GATA4: variants seen among roughly 807,000 people sequenced by gnomAD.
GATA4 encodes the protein transcription factor GATA-4.
GATA4 carries 7 observed loss-of-function variants against 37.9 expected under a neutral mutation model. That is an observed-to-expected ratio of 0.18 (90% CI 0.11 to 0.35). GATA4 has a LOEUF of 0.35. Among genes scored for constraint, GATA4 ranks in the 10% least tolerant of loss-of-function variants. The pLI, the probability that GATA4 is intolerant of heterozygous loss-of-function variation, is 1.00. For missense variants in GATA4, 647 were observed against 653.0 expected, an observed-to-expected ratio of 0.99 and a Z score of 0.10; for synonymous variants, 372 against 292.6, an observed-to-expected ratio of 1.27 and a Z score of -2.77.
rs1799981918 is a variant in GATA4 at position 11,708,234 on chromosome 8, C to T, written c.-79C>T. On this transcript the variant is annotated 5_prime_UTR_variant, in exon 2 of 7. Transcript: ENST00000532059. The surrounding 1 kb of genome is among the most constrained non-coding windows in gnomAD (Gnocchi z 6.7). ...CCTCCCACGCATATTATCGTTGTTG[C>T]CGTCGTTTTCTCTCCCCGCGTGGCT... The T allele has an allele frequency of 3.4e-6, 5 of 1,478,224 alleles. No individual in the cohort carries two copies. Among genetic ancestry groups the T allele is most frequent in the Middle Eastern group, 1.9e-4 (1 of 5,262 alleles). The allele number at this position is 1,478,224 out of a possible 1,614,324, so 91.6% of individuals were successfully genotyped here.
rs1358838991 is a variant in GATA4, at chr8:11,680,671, G to C, written c.-274+3608G>C. The C allele has an allele frequency of 1.0e-5, 10 of 985,130 alleles. No homozygotes were observed. The African/African-American group carries it at 1.2e-4, about 12-fold the overall frequency. The allele number at this position is 985,130 out of a possible 1,614,324, so 61.0% of individuals were successfully genotyped here. On this transcript the variant is annotated intron_variant, in intron 1 of 6. Coordinates refer to the GATA4 transcript ENST00000528712. ...GAACGTGTCTCGGGTCGCCCTTTGC[G>C]TCAGAGACCCCCCCCTTGGGGAGAC...
At chr8:11,728,847 C>T (rs943219304) in intron 2 of GATA4, among the ~76,000 whole-genome samples, 2 of 152,226 alleles carry the variant, frequency 1.3e-5, no homozygotes, top group African/African-American at 4.8e-5. Context: ...CCATATCCAA[C>T]TTACTGTCTA....
At chr8:11,736,932 T>C (rs142845965) in intron 2 of GATA4, among the ~76,000 whole-genome samples, 3,105 of 152,334 alleles carry the variant, frequency 0.02, 44 homozygotes, top group Middle Eastern at 0.031. Context: ...CATTGTCTCC[T>C]GGCCCTGGTA....
At chr8:11,679,497 T>A (rs973394997) in intron 1 of GATA4, among the ~76,000 whole-genome samples, 1 of 151,586 alleles carries the variant, frequency 6.6e-6, no homozygotes, top group African/African-American at 2.4e-5. Context: ...GAGAGGAGAG[T>A]GGAGCCCTCT....
intron 2 of GATA4, among the ~76,000 whole-genome samples, chr8:11,743,583 C>G (rs1320974526): frequency 6.6e-6 from 1 of 152,252 alleles, no homozygotes; most frequent in Non-Finnish European, 1.5e-5. Flanking sequence ...TGACCCTGGC[C>G]TCTGATTCCT....
chr8:11,696,119 C>T (rs1409242730), intron 1 of GATA4, among the ~76,000 whole-genome samples: 1 of 152,086 alleles, frequency 6.6e-6, no homozygotes, highest in Non-Finnish European at 1.5e-5. Flanking sequence ...TTTTCAAAGC[C>T]AGATTTATTG....
intron 2 of GATA4, among the ~76,000 whole-genome samples, chr8:11,732,286 G>C (rs528658056): frequency 6.6e-6 from 1 of 152,196 alleles, no homozygotes; most frequent in Non-Finnish European, 1.5e-5. Context: ...TTGTAAAAAG[G>C]CAGATGGAAC....
chr8:11,747,387 G>C (rs900950825), intron 2 of GATA4, among the ~76,000 whole-genome samples: 1 of 152,222 alleles, frequency 6.6e-6, no homozygotes, highest in African/African-American at 2.4e-5. Context: ...TGGCGGGGAG[G>C]GGTGAGCGAG....
upstream of GATA4, among the ~76,000 whole-genome samples, chr8:11,701,718 G>A (rs562937672): frequency 2.0e-5 from 3 of 152,298 alleles, no homozygotes; most frequent in South Asian, 2.1e-4. Context: ...TGGACCTAGA[G>A]GAAAAAGCCA....
intron 2 of GATA4, among the ~76,000 whole-genome samples, chr8:11,730,972 C>T (rs17153694): frequency 0.13 from 19,301 of 152,300 alleles, 2,500 homozygotes; most frequent in East Asian, 0.72. Flanking sequence ...CGTGCCTGGA[C>T]GGCTCTGTCA....
At chr8:11,694,544 G>A in intron 1 of GATA4, 1 of 983,366 alleles carries the variant, frequency 1.0e-6, no homozygotes, top group Non-Finnish European at 1.2e-6. Flanking sequence ...TAATTAGCAA[G>A]CTCTCCCAGG....
chr8:11,737,792 A>C (rs1801533390), intron 2 of GATA4, among the ~76,000 whole-genome samples: 1 of 152,210 alleles, frequency 6.6e-6, no homozygotes, highest in Non-Finnish European at 1.5e-5. Context: ...AAAAATCTGA[A>C]AATGGAACCT....
At chr8:11,716,274 A>G (rs1800429135) in intron 2 of GATA4, among the ~76,000 whole-genome samples, 1 of 152,186 alleles carries the variant, frequency 6.6e-6, no homozygotes, top group Non-Finnish European at 1.5e-5. Context: ...AAACAGATAC[A>G]TGATATTCAT....
chr8:11,710,589 C>A (rs1342140919), intron 2 of GATA4, among the ~76,000 whole-genome samples: 1 of 145,994 alleles, frequency 6.8e-6, no homozygotes, highest in Non-Finnish European at 1.5e-5. Context: ...ACTGGGGAAG[C>A]TGAGGCAGGA....
Position 11,694,813 on chromosome 8 carries a change from C to T in GATA4, c.-729+2153C>T, listed in dbSNP as rs574841153. Reference sequence around the variant, plus strand: ...AGAAACAATCATATTATCAAGAACTCTGGGAAGAGGTAGAAACAATCTCTC... The same window carrying T: ...AGAAACAATCATATTATCAAGAACTTTGGGAAGAGGTAGAAACAATCTCTC... On this transcript the variant is annotated intron_variant, in intron 1 of 2. Coordinates refer to the GATA4 transcript ENST00000526974. Among the ~76,000 whole-genome samples, 6 of 152,206 alleles carry T rather than the reference C, an allele frequency of 3.9e-5. No homozygotes were observed. In the East Asian group the frequency reaches 1.2e-3, roughly 29 times the overall value.
At chr8:11,703,340 C>G (rs745525735), upstream of GATA4, among the ~76,000 whole-genome samples, 1 of 152,150 alleles carries the variant, frequency 6.6e-6, no homozygotes, top group African/African-American at 2.4e-5. Flanking sequence ...GGCTCGCAGC[C>G]CCGCTGCGCT....
Position 11,707,128 on chromosome 8 carries a change from A to C in GATA4, c.-457-728A>C, listed in dbSNP as rs982842994. On this transcript the variant is annotated intron_variant, in intron 1 of 6. Coordinates refer to ENST00000532059, the MANE Select transcript of GATA4 (RefSeq NM_001308093.3). The surrounding 1 kb of genome is among the most constrained non-coding windows in gnomAD (Gnocchi z 4.7). ...GTTATTCTGTAGAGCGGCATTGTACATTCTTCTCACTTTTCTGGTTCTGAT... is the reference window on the plus strand; with the variant it reads ...GTTATTCTGTAGAGCGGCATTGTACCTTCTTCTCACTTTTCTGGTTCTGAT... 6.6e-6 allele frequency among the ~76,000 whole-genome samples: 1 copy of C among 152,184 alleles called. No individual in the cohort carries two copies. Among genetic ancestry groups the C allele is most frequent in the East Asian group, 1.9e-4 (1 of 5,194 alleles).
chr8:11,701,179 C>G (rs1279117669), upstream of GATA4, among the ~76,000 whole-genome samples: 2 of 148,702 alleles, frequency 1.3e-5, no homozygotes, highest in Non-Finnish European at 3.0e-5. Flanking sequence ...TACAGTACAC[C>G]TAAGTAATTC....
chr8:11,693,556 C>CAGAGAGAGAG (rs1240189470), intron 1 of GATA4, among the ~76,000 whole-genome samples: 50 of 103,662 alleles, frequency 4.8e-4, no homozygotes, highest in African/African-American at 1.4e-3. Context: ...CACACACACA[C>CAGAGAGAGAG]ACACACAGAG....
Sources: gnomAD v4.1 joint callset for allele counts (sites outside exome capture counted in the v4.1 genomes callset) on GRCh38, gnomAD v4.1.1 for gene constraint, Gnocchi (gnomAD v3.1) non-coding constraint, MANE v1.5 for transcripts, NCBI Gene and HGNC (gene_info 2026-07-23, HGNC 2026-07-21) for gene names.